Variants in RFX7 observed in about 807,000 individuals in gnomAD.
RFX7 encodes the protein regulatory factor X7.
In RFX7, 26 loss-of-function variants were observed where a neutral mutation model predicts 111.8. That is an observed-to-expected ratio of 0.23 (90% CI 0.17 to 0.32). The LOEUF (loss-of-function observed/expected upper bound fraction) is 0.32, where lower values mean the gene tolerates loss of function less well. Ranked by LOEUF, RFX7 falls within the 10% of genes least tolerant of loss-of-function variation. The probability of loss-of-function intolerance (pLI) is 1.00; values close to 1 mark genes in which losing one functional copy is unlikely to be tolerated. For missense variants in RFX7, 1,573 were observed against 1,772.9 expected (o/e 0.89, Z 2.02); for synonymous variants, 624 against 624.4 (o/e 1.00, Z 0.01).
rs2041651375 is a variant in RFX7, at chr15:56,094,936, C to T, written c.2792G>A (p.Ser931Asn). Reference sequence around the variant, plus strand: ...GTGGATTGGATGATAGAAGTGGGTGCTGGAAGTGTGAGATGACATTGGAGC... The same window carrying T: ...GTGGATTGGATGATAGAAGTGGGTGTTGGAAGTGTGAGATGACATTGGAGC... ...PGAPMSSHTS[S>N]THFYHPIHSN... The change falls in exon 10 of 10, where the codon AGC becomes AAC. Residue 931 changes from serine (S) to asparagine (N), a missense_variant. Around this residue, in one of 7 missense-constraint regions of RFX7, gnomAD observed 625 missense variants for 632.2 expected, o/e 0.99. Transcript: ENST00000559447. 6.3e-7 allele frequency: 1 copy of T among 1,594,410 alleles called. No individual in the cohort carries two copies. The highest frequency in any genetic ancestry group is 8.5e-7 in the Non-Finnish European group (1 of 1,170,310).
chr15:56,145,068 T>C (rs1217542646), intron 3 of RFX7, among the ~76,000 whole-genome samples: 4 of 152,232 alleles, frequency 2.6e-5, no homozygotes, highest in East Asian at 1.9e-4. Flanking sequence ...ATTTGTTGGC[T>C]TGCCAACAGT....
At chr15:56,141,612 A>G (rs895859323) in intron 5 of RFX7, among the ~76,000 whole-genome samples, 18 of 139,296 alleles carry the variant, frequency 1.3e-4, no homozygotes, top group Non-Finnish European at 2.4e-4. Flanking sequence ...GGAGGGGTCT[A>G]TTTTAACTAA....
chr15:56,183,559 T>A (rs190151319), intron 2 of RFX7, among the ~76,000 whole-genome samples: 1 of 152,330 alleles, frequency 6.6e-6, no homozygotes, highest in Admixed American at 6.5e-5. Flanking sequence ...CTTTTCTGTT[T>A]TATTATTAAT....
chr15:56,233,788 T>C (rs2043593842), intron 2 of RFX7, among the ~76,000 whole-genome samples: 3 of 152,174 alleles, frequency 2.0e-5, no homozygotes, highest in Non-Finnish European at 4.4e-5. Flanking sequence ...TGTACTCTGG[T>C]ACTCTGCTCC....
intron 2 of RFX7, among the ~76,000 whole-genome samples, chr15:56,188,008 GA>G (rs1177250612): frequency 6.6e-6 from 1 of 152,146 alleles, no homozygotes; most frequent in Non-Finnish European, 1.5e-5. Flanking sequence ...CAAAGTGTCA[GA>G]ATTAGCAGAC....
upstream of RFX7, among the ~76,000 whole-genome samples, chr15:56,245,071 G>C (rs1350059898): frequency 6.6e-6 from 1 of 152,134 alleles, no homozygotes; most frequent in Non-Finnish European, 1.5e-5. Context: ...GTTTCTACCT[G>C]TTAGATCCTC....
chr15:56,199,164 G>T (rs1567044091), intron 2 of RFX7, among the ~76,000 whole-genome samples: 1 of 152,136 alleles, frequency 6.6e-6, no homozygotes, highest in South Asian at 2.1e-4. Context: ...ACAAGAGAAG[G>T]CTGTAAATCA....
At chr15:56,151,368 A>C (rs1056883485) in intron 3 of RFX7, among the ~76,000 whole-genome samples, 42 of 152,260 alleles carry the variant, frequency 2.8e-4, no homozygotes, top group African/African-American at 9.9e-4. Context: ...CTCTCGGCAG[A>C]AACCCTACAA....
chr15:56,242,860 G>A (rs1462016535), intron 2 of RFX7, among the ~76,000 whole-genome samples: 2 of 152,114 alleles, frequency 1.3e-5, no homozygotes, highest in Non-Finnish European at 2.9e-5. Context: ...TACAATGAGT[G>A]AAAAAATAAA....
chr15:56,174,278 C>CA (rs201007446), intron 3 of RFX7, among the ~76,000 whole-genome samples: 4,609 of 149,704 alleles, frequency 0.031, 263 homozygotes, highest in African/African-American at 0.11. Flanking sequence ...AACTCTGTCT[C>CA]AAAAAAAACC....
At position 56,181,931 on chromosome 15, in the gene RFX7, A is replaced by G. The variant is rs545650763; in HGVS notation, c.162-2628T>C. Reference sequence around the variant, plus strand: ...TGCCTCCTGTCACATCAGTGGCAACATTAGATTCTCATAGGAGCCTGTGAA... The same window carrying G: ...TGCCTCCTGTCACATCAGTGGCAACGTTAGATTCTCATAGGAGCCTGTGAA... On this transcript the variant is annotated intron_variant, in intron 2 of 9. Transcript: ENST00000559447. Among the ~76,000 whole-genome samples, 4 of 152,288 alleles carry G rather than the reference A, an allele frequency of 2.6e-5. No individual in the cohort carries two copies. The South Asian group carries it at 8.3e-4, about 32-fold the overall frequency.
intron 3 of RFX7, among the ~76,000 whole-genome samples, chr15:56,171,165 T>A (rs1339933243): frequency 2.0e-5 from 3 of 152,134 alleles, no homozygotes; most frequent in African/African-American, 7.2e-5. Flanking sequence ...ACTGATAGGA[T>A]CTGGTGACTG....
At chr15:56,124,111 G>C (rs1452609363) in intron 5 of RFX7, among the ~76,000 whole-genome samples, 2 of 152,038 alleles carry the variant, frequency 1.3e-5, no homozygotes, top group African/African-American at 2.4e-5. Flanking sequence ...GGCCATCTTG[G>C]TACACCTCTC....
intron 5 of RFX7, among the ~76,000 whole-genome samples, chr15:56,119,380 G>T (rs1450421415): frequency 6.6e-6 from 1 of 152,128 alleles, no homozygotes; most frequent in Non-Finnish European, 1.5e-5. Flanking sequence ...AGAGATAGGG[G>T]TCTAGATTCA....
chr15:56,190,007 A>G (rs1329634373), intron 2 of RFX7: 2 of 152,244 alleles, frequency 1.3e-5, no homozygotes, highest in African/African-American at 4.8e-5. Flanking sequence ...CTACTCAGCA[A>G]TTAAAAGTAA....
At chr15:56,111,773 A>G (rs1183759190) in intron 5 of RFX7, among the ~76,000 whole-genome samples, 2 of 152,090 alleles carry the variant, frequency 1.3e-5, no homozygotes, top group Non-Finnish European at 2.9e-5. Flanking sequence ...CTGGATCCAG[A>G]CAAGTGTATC....
intron 5 of RFX7, among the ~76,000 whole-genome samples, chr15:56,107,395 A>G (rs1425722029): frequency 6.6e-6 from 1 of 151,242 alleles, no homozygotes; most frequent in Non-Finnish European, 1.5e-5. Flanking sequence ...AATTAAGCCT[A>G]ATATTCAATA....
chr15:56,212,637 C>T (rs188018660), intron 2 of RFX7, among the ~76,000 whole-genome samples: 1 of 152,166 alleles, frequency 6.6e-6, no homozygotes, highest in East Asian at 1.9e-4. Flanking sequence ...TCTTCTGGTT[C>T]TTCTTTTGTG....
intron 5 of RFX7, among the ~76,000 whole-genome samples, chr15:56,126,478 C>A (rs1453514869): frequency 6.6e-6 from 1 of 151,974 alleles, no homozygotes; most frequent in Non-Finnish European, 1.5e-5. Flanking sequence ...CCTGAAGGAC[C>A]CCACCTGATA....
Sources: allele counts gnomAD v4.1 joint callset (sites outside exome capture counted in the v4.1 genomes callset), GRCh38; gene constraint gnomAD v4.1.1; regional missense constraint gnomAD v4.1.1; transcripts MANE v1.5; gene names NCBI Gene and HGNC (gene_info 2026-07-23, HGNC 2026-07-21).